The following ANKRD12 variants were observed in gnomAD, a reference collection of about 807,000 sequenced individuals.
ANKRD12 encodes the protein ankyrin repeat domain 12.
Under a neutral mutation model 183.4 loss-of-function variants are expected in ANKRD12, and 85 were observed. The observed-to-expected ratio is 0.46, with a 90% confidence interval of 0.39 to 0.56. ANKRD12 has a LOEUF of 0.56. ANKRD12 is among the 20% of genes least tolerant of loss of function. The pLI is 0.00. For missense variants in ANKRD12, 2,405 were observed against 2,357.1 expected, an observed-to-expected ratio of 1.02 and a Z score of -0.42; for synonymous variants, 914 against 800.2, an observed-to-expected ratio of 1.14 and a Z score of -2.40.
At chr18:9,198,306 C>A (rs2034961751) in intron 3 of ANKRD12, among the ~76,000 whole-genome samples, 1 of 151,694 alleles carries the variant, frequency 6.6e-6, no homozygotes. Context: ...TGGTTCAGAA[C>A]AATTATAGTT....
chr18:9,283,078 C>T lies in ANKRD12; in HGVS notation c.*1952C>T, dbSNP rs2040158231. On this transcript the variant is annotated 3_prime_UTR_variant, in exon 13 of 13. Transcript: ENST00000262126. Reference sequence around the variant, plus strand: ...TACTTTTTAATATGAAAACTTACTGCAAAGTTTGTTTATACTTTTGCCTAA... The same window carrying T: ...TACTTTTTAATATGAAAACTTACTGTAAAGTTTGTTTATACTTTTGCCTAA... 6.6e-6 allele frequency: 1 copy of T among 152,416 alleles called. No homozygotes were observed. Among genetic ancestry groups the T allele is most frequent in the Non-Finnish European group, 1.5e-5 (1 of 67,960 alleles). The allele number at this position is 152,416 out of a possible 1,614,324, so 9.4% of individuals were successfully genotyped here. A position where few individuals can be genotyped will look rare whatever the true frequency, so the allele number is the denominator to read the frequency against.
intron 1 of ANKRD12, among the ~76,000 whole-genome samples, chr18:9,142,321 A>T (rs1263428896): frequency 6.6e-6 from 1 of 152,256 alleles, no homozygotes; most frequent in Non-Finnish European, 1.5e-5. Flanking sequence ...CTCACAGCTC[A>T]GTAGCAGAAC....
rs183857748 is a variant in ANKRD12 at position 9,167,197 on chromosome 18, C to T, written c.-51-15185C>T. ...TAGGCTTAGGATTGACTTGGCAATG[C>T]GGGCTCTTTTTTGGTTCCATATGAA... On this transcript the variant is annotated intron_variant, in intron 1 of 12. Coordinates refer to ENST00000262126, the MANE Select transcript of ANKRD12 (RefSeq NM_015208.5). Among the ~76,000 whole-genome samples the T allele has an allele frequency of 1.5e-3, 223 of 152,194 alleles. 1 individual carries two copies. Among genetic ancestry groups the T allele is most frequent in the African/African-American group, 4.9e-3 (204 of 41,514 alleles).
In ANKRD12 at chr18:9,208,475, G is replaced by C. The variant is rs1404728070; in HGVS notation, c.305-182G>C. On this transcript the variant is annotated intron_variant, in intron 4 of 12. Coordinates refer to ENST00000262126, the MANE Select transcript of ANKRD12 (RefSeq NM_015208.5). ...TTAAGAATATATTTTTTTCAAAGCA[G>C]TCAGGAAGAAAATTGTTTATATAAT... Among the ~76,000 whole-genome samples, 3 of 151,850 alleles carry C rather than the reference G, an allele frequency of 2.0e-5. No individual in the cohort carries two copies. In the East Asian group the frequency reaches 5.8e-4, roughly 29 times the overall value.
Position 9,254,930 on chromosome 18 carries a change from T to A in ANKRD12, c.1663T>A (p.Ser555Thr), listed in dbSNP as rs373401286. ...KHSCGLSEKQ[S>T]TPLKQEHTKT... ...TTCTTGTGGATTAAGTGAAAAACAG[T>A]CAACACCACTAAAACAAGAACATAC... Residue 555 changes from serine (S) to threonine (T), a missense_variant, in exon 9 of 13, where the codon TCA (serine) becomes ACA (threonine). Ser to Thr is a moderately conservative substitution (Grantham distance 58, BLOSUM62 1). Around this residue, in one of 7 missense-constraint regions of ANKRD12, gnomAD observed 1,983 missense variants for 1,725.9 expected, o/e 1.15. Coordinates refer to ENST00000262126, the MANE Select transcript of ANKRD12 (RefSeq NM_015208.5). 2 of 1,588,104 alleles carry A rather than the reference T, an allele frequency of 1.3e-6. No homozygotes were observed. The highest frequency in any genetic ancestry group is 2.7e-5 in the African/African-American group (2 of 73,508).
At chr18:9,236,382 G>A (rs1308650874) in intron 8 of ANKRD12, among the ~76,000 whole-genome samples, 1 of 148,218 alleles carries the variant, frequency 6.7e-6, no homozygotes, top group Non-Finnish European at 1.5e-5. Context: ...ACCCACCTAA[G>A]TGAAACTATT....
chr18:9,256,970 T>G lies in ANKRD12; in HGVS notation c.3703T>G (p.Leu1235Val). ...AGTTGAGTATGACTCTGACTTTATG[T>G]TAGAGAGTTCAGAATCCCAAATGTC... ...PPVEYDSDFMLESSESQMSFS... is the reference protein window; with the variant it reads ...PPVEYDSDFMVESSESQMSFS... The change falls in exon 9 of 13, where the codon TTA (leucine) becomes GTA (valine). Residue 1235 changes from leucine (L) to valine (V), a missense_variant. Physicochemically the swap from Leu to Val is conservative, Grantham distance 32. This residue lies in a region of ANKRD12 where 1,983 missense variants were observed against 1,725.9 expected (regional missense o/e 1.15). Transcript: ENST00000262126. The G allele has an allele frequency of 6.2e-7, 1 of 1,614,116 alleles. No individual in the cohort carries two copies. Among genetic ancestry groups the G allele is most frequent in the Admixed American group, 1.7e-5 (1 of 59,996 alleles).
chr18:9,267,759 A>AATAACTAAGATCAGAGCAGAACT (rs1469659502), intron 10 of ANKRD12, among the ~76,000 whole-genome samples: 8 of 152,222 alleles, frequency 5.3e-5, no homozygotes, highest in Non-Finnish European at 8.8e-5. Flanking sequence ...GAAGGCAAGA[A>AATAACTAAGATCAGAGCAGAACT]ATAACTAAGA....
Position 9,195,578 on chromosome 18 carries a change from A to G in ANKRD12, c.115A>G (p.Lys39Glu), listed in dbSNP as rs757607440. 1 of 1,609,878 alleles carries G rather than the reference A, an allele frequency of 6.2e-7. No homozygotes were observed. Among genetic ancestry groups the G allele is most frequent in the South Asian group, 1.1e-5 (1 of 90,544 alleles). The change falls in exon 3 of 13, where the codon AAA (lysine) becomes GAA (glutamate). Residue 39 changes from lysine to glutamate, a missense_variant. This residue lies in a region of ANKRD12 where 145 missense variants were observed against 145.6 expected (regional missense o/e 1.00). Transcript: ENST00000262126. ...TAAAGACAAGATTGCATCCTACAGC[A>G]AAACTCCAAAAATTGAACGAAGTGA... ...KSKDKIASYS[K>E]TPKIERSDVS...
rs143541217 is a variant in ANKRD12 at position 9,143,894 on chromosome 18, C to T, written c.-52+6929C>T. Among the ~76,000 whole-genome samples, 3 of 152,320 alleles carry T rather than the reference C, an allele frequency of 2.0e-5. No homozygotes were observed. In the East Asian group the frequency reaches 5.8e-4, roughly 29 times the overall value. ...TTGACAGCAGATTGGCTTACTCATT[C>T]TTTCCTTTGTCCTTTTTCACCCTTT... On this transcript the variant is annotated intron_variant, in intron 1 of 12. Coordinates refer to ENST00000262126, the MANE Select transcript of ANKRD12 (RefSeq NM_015208.5).
chr18:9,263,465 T>C (rs943544664), intron 9 of ANKRD12, among the ~76,000 whole-genome samples: 9 of 152,348 alleles, frequency 5.9e-5, no homozygotes, highest in Admixed American at 2.6e-4. Flanking sequence ...ATACCAGCTT[T>C]TCTGGTTTTG....
chr18:9,157,715 G>T, intron 1 of ANKRD12, among the ~76,000 whole-genome samples: 1 of 148,600 alleles, frequency 6.7e-6, no homozygotes, highest in Non-Finnish European at 1.5e-5. Flanking sequence ...CGATTCTTTT[G>T]CCTCAGTATG....
At chr18:9,229,565 T>C (rs1272485514) in intron 8 of ANKRD12, among the ~76,000 whole-genome samples, 1 of 152,194 alleles carries the variant, frequency 6.6e-6, no homozygotes, top group Non-Finnish European at 1.5e-5. Context: ...TTTGTTTTGA[T>C]AGCTATTGTA....
chr18:9,212,816 C>A (rs2035882417), intron 6 of ANKRD12, among the ~76,000 whole-genome samples: 1 of 151,718 alleles, frequency 6.6e-6, no homozygotes, highest in Admixed American at 6.6e-5. Flanking sequence ...TGAAAAAAAT[C>A]TTAATTTGGA....
intron 10 of ANKRD12, among the ~76,000 whole-genome samples, chr18:9,267,738 A>G (rs934073883): frequency 1.3e-5 from 2 of 152,214 alleles, no homozygotes; most frequent in African/African-American, 4.8e-5. Flanking sequence ...AAACACATTC[A>G]AAAGGTAGCA....
intron 8 of ANKRD12, among the ~76,000 whole-genome samples, chr18:9,230,655 CTT>C (rs113527070): frequency 4.1e-5 from 6 of 145,750 alleles, no homozygotes; most frequent in African/African-American, 5.1e-5. Flanking sequence ...CTACTTTCTT[CTT>C]TTTTTTTTTT....
chr18:9,255,914 A>G lies in ANKRD12; in HGVS notation c.2647A>G (p.Lys883Glu). ...TTCGCATCACACAGAAAAATGCCAT[A>G]AAGAAGGTGAGAAGAGCAAAAATAC... ...LYSHHTEKCH[K>E]EGEKSKNTAA... Residue 883 changes from lysine (K) to glutamate (E), a missense_variant, in exon 9 of 13, where the codon AAA (lysine) becomes GAA (glutamate). By Grantham distance (56) the Lys-to-Glu change is moderately conservative. Coordinates refer to ENST00000262126, the MANE Select transcript of ANKRD12 (RefSeq NM_015208.5). 1.3e-6 allele frequency: 2 copies of G among 1,593,286 alleles called. No individual in the cohort carries two copies. Among genetic ancestry groups the G allele is most frequent in the Non-Finnish European group, 1.7e-6 (2 of 1,174,676 alleles).
intron 10 of ANKRD12, 85 bp downstream of exon 10, chr18:9,263,973 G>T: frequency 1.8e-6 from 2 of 1,097,594 alleles, no homozygotes; most frequent in Non-Finnish European, 2.4e-6. Context: ...TTTTATTAGT[G>T]GATTTTTAAA....
chr18:9,258,213 A>C lies in ANKRD12; in HGVS notation c.4946A>C (p.Asp1649Ala). ...GTTTTAACTCATTTGAGTAGGTGTG[A>C]TTCTGATTTATGTGAAATGAATGCA... ...SLVLTHLSRCDSDLCEMNAGM... is the reference protein window; with the variant it reads ...SLVLTHLSRCASDLCEMNAGM... Residue 1649 changes from aspartate (D) to alanine (A), a missense_variant, in exon 9 of 13, where the codon GAT (aspartate) becomes GCT (alanine). Physicochemically the swap from Asp to Ala is moderately radical, Grantham distance 126. Transcript: ENST00000262126. The C allele has an allele frequency of 1.9e-6, 3 of 1,613,912 alleles. No homozygotes were observed. In the South Asian group the frequency reaches 3.3e-5, roughly 18 times the overall value.
Sources: allele counts gnomAD v4.1 joint callset (sites outside exome capture counted in the v4.1 genomes callset), GRCh38; gene constraint gnomAD v4.1.1; regional missense constraint gnomAD v4.1.1; transcripts MANE v1.5; gene names NCBI Gene and HGNC (gene_info 2026-07-23, HGNC 2026-07-21).